Variants in FANCI observed in about 807,000 individuals in gnomAD.
The protein encoded by FANCI is Fanconi anemia group I protein.
A neutral mutation model predicts 176.1 loss-of-function variants in FANCI; 156 were observed. The observed-to-expected ratio is 0.89, with a 90% CI of 0.78 to 1.01. FANCI has a LOEUF of 1.01. FANCI is among the 50% of genes least tolerant of loss of function. The pLI is 0.00. For synonymous variants in FANCI, 613 were observed against 541.7 expected (o/e 1.13, Z -1.83); for missense variants, 1,678 against 1,534.1 (o/e 1.09, Z -1.57).
Position 89,258,919 on chromosome 15 carries a change from GT to G in FANCI, c.157+146del. ...TTCTACAGAATCAACTACAGCAGCA[GT>G]TTCCTGTCTAGTGGACTTAAGTAAT... On this transcript the variant is annotated intron_variant, in intron 3 of 37. Coordinates refer to ENST00000310775, the MANE Select transcript of FANCI (RefSeq NM_001113378.2). 3 of 702,772 alleles carry G rather than the reference GT, an allele frequency of 4.3e-6. No homozygotes were observed. The Admixed American group carries it at 6.3e-5, about 15-fold the overall frequency. 43.5% of individuals were successfully genotyped at this position (702,772 alleles called of 1,614,324 possible).
chr15:89,296,830 G>A (rs1271353520), intron 24 of FANCI, among the ~76,000 whole-genome samples: 11 of 147,326 alleles, frequency 7.5e-5, no homozygotes, highest in South Asian at 4.4e-4. Flanking sequence ...CCTCCCTCCC[G>A]GACGGGGCGG....
At chr15:89,252,377 CTG>C (rs962763142) in intron 2 of FANCI, among the ~76,000 whole-genome samples, 2 of 151,840 alleles carry the variant, frequency 1.3e-5, no homozygotes, top group African/African-American at 2.4e-5. Context: ...CCTGGAGAAT[CTG>C]TGATAAAACC....
intron 28 of FANCI, among the ~76,000 whole-genome samples, chr15:89,304,840 G>A (rs2054655447): frequency 6.6e-6 from 1 of 151,780 alleles, no homozygotes; most frequent in African/African-American, 2.4e-5. Context: ...GCAATGGCAC[G>A]GTCTTGGCTG....
chr15:89,289,821 G>A (rs1485891119), intron 18 of FANCI, among the ~76,000 whole-genome samples: 1 of 151,746 alleles, frequency 6.6e-6, no homozygotes, highest in Admixed American at 6.6e-5. Context: ...CTCCCGAGTA[G>A]CTGTGATTAC....
At position 89,253,676 on chromosome 15, in the gene FANCI, G is replaced by A. The variant is rs184393000; in HGVS notation, c.85-5028G>A. ...TCTACATATAAGTTAAAAAGTTTGTGTGGCCAGAAATACCATAAGCAGAGT... is the reference window on the plus strand; with the variant it reads ...TCTACATATAAGTTAAAAAGTTTGTATGGCCAGAAATACCATAAGCAGAGT... On this transcript the variant is annotated intron_variant, in intron 2 of 37. Coordinates refer to ENST00000310775, the MANE Select transcript of FANCI (RefSeq NM_001113378.2). Among the ~76,000 whole-genome samples the A allele has an allele frequency of 2.6e-5, 4 of 151,734 alleles. No homozygotes were observed. The East Asian group carries it at 5.8e-4, about 22-fold the overall frequency.
At chr15:89,300,607 A>T (rs552405239) in intron 26 of FANCI, among the ~76,000 whole-genome samples, 2 of 152,216 alleles carry the variant, frequency 1.3e-5, no homozygotes, top group Non-Finnish European at 2.9e-5. Context: ...AATACTCATT[A>T]CTTCTAAGGA....
At position 89,276,746 on chromosome 15, in the gene FANCI, T is replaced by C. The variant is rs1012254525; in HGVS notation, c.1148T>C (p.Val383Ala). The C allele has an allele frequency of 8.7e-6, 14 of 1,614,090 alleles. No homozygotes were observed. The highest frequency in any genetic ancestry group is 1.3e-5 in the African/African-American group (1 of 74,940). Residue 383 changes from valine to alanine, a missense_variant, in exon 13 of 38, where the codon GTA (valine) becomes GCA (alanine). By Grantham distance (64) the Val-to-Ala change is moderately conservative (BLOSUM62 0). Around this residue, in one of 3 missense-constraint regions of FANCI, gnomAD observed 469 missense variants for 436.9 expected, o/e 1.07. Transcript: ENST00000310775. ...HSWDHVTQGLVELGFILMDSY... is the reference protein window; with the variant it reads ...HSWDHVTQGLAELGFILMDSY... ...TGGGACCATGTTACTCAGGGCCTCG[T>C]AGAACTTGGTTTCATTTTGATGGAT...
Position 89,281,994 on chromosome 15 carries a change from T to C in FANCI, c.1583+159T>C, listed in dbSNP as rs74990528. The C allele has an allele frequency of 2.7e-3, 1,806 of 673,836 alleles. 16 individuals are homozygous for C. In the African/African-American group the frequency reaches 0.028, roughly 10 times the overall value. 41.7% of individuals were successfully genotyped at this position (673,836 alleles called of 1,614,324 possible). On this transcript the variant is annotated intron_variant, in intron 16 of 37. Coordinates refer to ENST00000310775, the MANE Select transcript of FANCI (RefSeq NM_001113378.2). ...AAATAAGGCATTTTGCTAAGTGCTT[T>C]ATGTGCTTTTTTCATTTAGTCTTCA...
At chr15:89,292,634 A>C (rs985219652) in intron 20 of FANCI, 54 bp from the exon 21 acceptor site, 6 of 1,546,634 alleles carry the variant, frequency 3.9e-6, no homozygotes, top group Non-Finnish European at 5.3e-6. Flanking sequence ...GAACAACTTT[A>C]TAAGTTATCC....
intron 18 of FANCI, among the ~76,000 whole-genome samples, chr15:89,287,485 G>C (rs1349962014): frequency 6.6e-6 from 1 of 151,822 alleles, no homozygotes; most frequent in Non-Finnish European, 1.5e-5. Flanking sequence ...CTTCACATCA[G>C]CAATAAGGCT....
intron 2 of FANCI, among the ~76,000 whole-genome samples, chr15:89,258,475 A>C (rs1268940943): frequency 6.6e-6 from 1 of 152,226 alleles, no homozygotes; most frequent in Non-Finnish European, 1.5e-5. Flanking sequence ...ACTTAGTGCT[A>C]AGTTATAAAC....
chr15:89,281,869 T>A (rs779798103), intron 16 of FANCI, 34 bp downstream of exon 16: 1 of 1,581,268 alleles, frequency 6.3e-7, no homozygotes, highest in Non-Finnish European at 8.7e-7. Context: ...TAGGAAGACG[T>A]TGTCTTCTAA....
chr15:89,282,447 G>C (rs1036833162), intron 16 of FANCI: 4 of 161,432 alleles, frequency 2.5e-5, no homozygotes, highest in African/African-American at 9.7e-5. Flanking sequence ...AGATGATCTT[G>C]CCATCTCCTA....
intron 2 of FANCI, among the ~76,000 whole-genome samples, chr15:89,254,647 AT>A (rs1377110617): frequency 6.6e-6 from 1 of 152,324 alleles, no homozygotes; most frequent in South Asian, 2.1e-4. Context: ...CTACAAAAAA[AT>A]AATTTAAAAA....
chr15:89,295,776 T>TA (rs2054243288), intron 24 of FANCI, among the ~76,000 whole-genome samples: 1 of 142,620 alleles, frequency 7.0e-6, no homozygotes, highest in Non-Finnish European at 1.6e-5. Flanking sequence ...TGTTTTGGCT[T>TA]TTTTTTTGGC....
chr15:89,247,069 C>CT (rs762096766), intron 1 of FANCI, among the ~76,000 whole-genome samples: 9,009 of 135,862 alleles, frequency 0.066, 831 homozygotes, highest in African/African-American at 0.21. Context: ...GTGCCGGCCT[C>CT]TTTTTTTTTT....
chr15:89,314,478 G>GT, intron 35 of FANCI, 134 bp from the exon 36 acceptor site: 1 of 618,506 alleles, frequency 1.6e-6, no homozygotes, highest in African/African-American at 4.1e-5. Flanking sequence ...TAGATTACTG[G>GT]TATACAACTG....
chr15:89,248,936 C>T (rs1310084270), intron 2 of FANCI, among the ~76,000 whole-genome samples: 2 of 152,038 alleles, frequency 1.3e-5, no homozygotes, highest in Admixed American at 1.3e-4. Context: ...ACCTGTAGTC[C>T]CAGCACTTTG....
At chr15:89,312,345 C>G (rs114448424) in intron 34 of FANCI, among the ~76,000 whole-genome samples, 62 of 152,348 alleles carry the variant, frequency 4.1e-4, no homozygotes, top group African/African-American at 1.3e-3. Flanking sequence ...GTCCTGCCTT[C>G]AACTTCCATG....
Sources: allele counts gnomAD v4.1 joint callset (sites outside exome capture counted in the v4.1 genomes callset), GRCh38; gene constraint gnomAD v4.1.1; regional missense constraint gnomAD v4.1.1; transcripts MANE v1.5; gene names NCBI Gene and HGNC (gene_info 2026-07-23, HGNC 2026-07-21).